BMPR1A: variants seen among roughly 807,000 people sequenced by gnomAD.
The protein encoded by BMPR1A is bone morphogenetic protein receptor type 1A.
BMPR1A carries 7 observed loss-of-function variants against 66.0 expected under a neutral mutation model. The ratio of observed to expected loss-of-function variants is 0.11; its 90% CI spans 0.06 to 0.20. BMPR1A has a LOEUF of 0.20. Among genes scored for constraint, BMPR1A ranks in the 10% least tolerant of loss-of-function variants. BMPR1A has a pLI of 1.00. For synonymous variants in BMPR1A, 200 were observed against 229.7 expected (o/e 0.87, Z 1.17); for missense variants, 408 against 669.1 (o/e 0.61, Z 4.31).
At chr10:86,861,613 T>C (rs564467945) in intron 2 of BMPR1A, among the ~76,000 whole-genome samples, 2 of 152,362 alleles carry the variant, frequency 1.3e-5, no homozygotes, top group East Asian at 3.9e-4. Context: ...TCCATACTTA[T>C]TTAACTTGGT....
At chr10:86,848,856 T>C (rs1370923031) in intron 2 of BMPR1A, among the ~76,000 whole-genome samples, 1 of 152,204 alleles carries the variant, frequency 6.6e-6, no homozygotes, top group Non-Finnish European at 1.5e-5. Context: ...CATCTCTGCT[T>C]TCTATCAGAT....
intron 8 of BMPR1A, 50 bp downstream of exon 8, chr10:86,912,434 G>A (rs1843505627): frequency 6.2e-7 from 1 of 1,602,162 alleles, no homozygotes; most frequent in East Asian, 2.2e-5. Flanking sequence ...TTTAGAATGT[G>A]TCCTCATGAT....
At chr10:86,882,914 T>C (rs1346637416) in intron 3 of BMPR1A, among the ~76,000 whole-genome samples, 2 of 151,488 alleles carry the variant, frequency 1.3e-5, no homozygotes, top group Admixed American at 6.6e-5. Context: ...TGCCGTGAGC[T>C]GTCATGCCAC....
intron 1 of BMPR1A, among the ~76,000 whole-genome samples, chr10:86,776,426 A>C (rs749474612): frequency 4.6e-5 from 7 of 152,214 alleles, no homozygotes; most frequent in Non-Finnish European, 1.0e-4. Flanking sequence ...ATAAAAATGT[A>C]ATCTTTTTCA....
intron 1 of BMPR1A, among the ~76,000 whole-genome samples, chr10:86,838,663 C>G (rs1421740296): frequency 6.7e-6 from 1 of 149,864 alleles, no homozygotes; most frequent in Admixed American, 6.7e-5. Flanking sequence ...TCCCACAGAA[C>G]TAACTTTACA....
chr10:86,779,269 G>T (rs1470508621), intron 1 of BMPR1A, among the ~76,000 whole-genome samples: 1 of 152,166 alleles, frequency 6.6e-6, no homozygotes. Flanking sequence ...TGGAATGCTG[G>T]ATCATATGGT....
At chr10:86,791,683 T>TCCTTCCTTCCTCCCTCCCCCCCCC (rs1283624885) in intron 1 of BMPR1A, among the ~76,000 whole-genome samples, 1 of 89,706 alleles carries the variant, frequency 1.1e-5, no homozygotes, top group Non-Finnish European at 2.1e-5. Flanking sequence ...CTTCTTTACT[T>TCCTTCCTTCCTCCCTCCCCCCCCC]CCTTCCTCCC....
chr10:86,883,549 CA>C (rs71019436), intron 3 of BMPR1A, among the ~76,000 whole-genome samples: 6,413 of 45,356 alleles, frequency 0.14, 239 homozygotes, highest in African/African-American at 0.3. Flanking sequence ...GACTCCGTCT[CA>C]AAAAAAAAAA....
At chr10:86,829,380 A>G (rs1313297333) in intron 1 of BMPR1A, among the ~76,000 whole-genome samples, 1 of 152,180 alleles carries the variant, frequency 6.6e-6, no homozygotes, top group Non-Finnish European at 1.5e-5. Flanking sequence ...ATTGCAAAAA[A>G]TAGTAAGGAG....
At chr10:86,787,021 G>C (rs980168799) in intron 1 of BMPR1A, among the ~76,000 whole-genome samples, 1 of 152,092 alleles carries the variant, frequency 6.6e-6, no homozygotes, top group African/African-American at 2.4e-5. Context: ...TGTTTGAATT[G>C]TCATCTTTAT....
At chr10:86,880,964 G>C (rs1374990186) in intron 3 of BMPR1A, among the ~76,000 whole-genome samples, 1 of 152,112 alleles carries the variant, frequency 6.6e-6, no homozygotes, top group East Asian at 1.9e-4. Context: ...CACTTGGGAG[G>C]CCAAGGCAGG....
intron 7 of BMPR1A, among the ~76,000 whole-genome samples, chr10:86,901,623 T>G (rs1843311340): frequency 6.6e-6 from 1 of 152,206 alleles, no homozygotes; most frequent in Non-Finnish European, 1.5e-5. Context: ...CTTTTCTCCT[T>G]GCCTGTTAGA....
intron 1 of BMPR1A, among the ~76,000 whole-genome samples, chr10:86,767,083 A>T (rs1399799070): frequency 6.6e-6 from 1 of 152,070 alleles, no homozygotes; most frequent in Non-Finnish European, 1.5e-5. Flanking sequence ...TGGCCTCCCA[A>T]AGTGCTGGGA....
rs562569032 is a variant in BMPR1A, at chr10:86,832,656, C to T, written c.-267-6209C>T. On this transcript the variant is annotated intron_variant, in intron 1 of 12. Transcript: ENST00000372037. Reference sequence around the variant, plus strand: ...AATTTGCTTTTCCTAAACATTTATGCGTTGGAAACATACAGTATGCAGTAT... The same window carrying T: ...AATTTGCTTTTCCTAAACATTTATGTGTTGGAAACATACAGTATGCAGTAT... Among the ~76,000 whole-genome samples, 9 of 152,224 alleles carry T rather than the reference C, an allele frequency of 5.9e-5. No individual in the cohort carries two copies. The East Asian group carries it at 1.3e-3, about 23-fold the overall frequency.
At chr10:86,818,243 T>A (rs947676310) in intron 1 of BMPR1A, among the ~76,000 whole-genome samples, 7 of 152,222 alleles carry the variant, frequency 4.6e-5, no homozygotes, top group Non-Finnish European at 8.8e-5. Context: ...GGTCTCGAAC[T>A]CCTGACCTCG....
At chr10:86,774,437 G>A (rs372662267) in intron 1 of BMPR1A, among the ~76,000 whole-genome samples, 30 of 150,286 alleles carry the variant, frequency 2.0e-4, no homozygotes, top group African/African-American at 7.1e-4. Context: ...CCCATTAAAG[G>A]GTAAAGAAAT....
At chr10:86,885,140 A>C (rs1253419026) in intron 3 of BMPR1A, among the ~76,000 whole-genome samples, 1 of 152,236 alleles carries the variant, frequency 6.6e-6, no homozygotes, top group Non-Finnish European at 1.5e-5. Context: ...GTAATTTGCA[A>C]ACTATAGCCC....
chr10:86,756,166 C>T (rs1847856214), upstream of BMPR1A: 1 of 152,178 alleles, frequency 6.6e-6, no homozygotes. Flanking sequence ...GATATCCGGC[C>T]CCGAAGGCCG....
At chr10:86,847,763 G>A (rs1245870173) in intron 2 of BMPR1A, among the ~76,000 whole-genome samples, 1 of 151,638 alleles carries the variant, frequency 6.6e-6, no homozygotes, top group Non-Finnish European at 1.5e-5. Context: ...ATGCACCAAA[G>A]CCTTTTAGTC....
Sources: gnomAD v4.1 joint callset for allele counts (sites outside exome capture counted in the v4.1 genomes callset) on GRCh38, gnomAD v4.1.1 for gene constraint, MANE v1.5 for transcripts, NCBI Gene and HGNC (gene_info 2026-07-23, HGNC 2026-07-21) for gene names.